The following MAGI2 variants were observed in gnomAD, a reference collection of about 807,000 sequenced individuals.
MAGI2 encodes membrane associated guanylate kinase, WW and PDZ domain containing 2, also known as membrane-associated guanylate kinase, WW and PDZ domain-containing protein 2.
Under a neutral mutation model 133.3 loss-of-function variants are expected in MAGI2, and 35 were observed. The ratio of observed to expected loss-of-function variants is 0.26; its 90% CI spans 0.20 to 0.35. The LOEUF (loss-of-function observed/expected upper bound fraction) is 0.35. MAGI2 is among the 10% of genes least tolerant of loss of function. The pLI is 1.00. For synonymous variants in MAGI2, 729 were observed against 710.6 expected, an observed-to-expected ratio of 1.03 and a Z score of -0.41; for missense variants, 1,636 against 1,863.4, an observed-to-expected ratio of 0.88 and a Z score of 2.25.
chr7:79,408,698 T>C (rs912999156), intron 1 of MAGI2, among the ~76,000 whole-genome samples: 2 of 152,044 alleles, frequency 1.3e-5, no homozygotes, highest in African/African-American at 4.8e-5. Context: ...AATGGAAATC[T>C]GTGGAAGATT....
At position 78,889,197 on chromosome 7, in the gene MAGI2, T is replaced by C. The variant is rs913891805; in HGVS notation, c.418+117893A>G. 1.1e-4 allele frequency among the ~76,000 whole-genome samples: 17 copies of C among 150,828 alleles called. No homozygotes were observed. In the East Asian group the frequency reaches 2.7e-3, roughly 24 times the overall value. ...TTAGAGAAAAAAGAATAAAAAGAAA[T>C]GAACAAAGCCTCCAAGAAATATGGG... On this transcript the variant is annotated intron_variant, in intron 2 of 21. Coordinates refer to ENST00000354212, the MANE Select transcript of MAGI2 (RefSeq NM_012301.4).
At chr7:78,633,567 G>A (rs967454470) in intron 2 of MAGI2, among the ~76,000 whole-genome samples, 4 of 151,206 alleles carry the variant, frequency 2.6e-5, no homozygotes, top group South Asian at 2.1e-4. Context: ...TTAGCCGGGC[G>A]TGGTGGCGGG....
At chr7:78,605,021 A>T (rs1805648862) in intron 3 of MAGI2, among the ~76,000 whole-genome samples, 1 of 152,242 alleles carries the variant, frequency 6.6e-6, no homozygotes, top group Admixed American at 6.5e-5. Flanking sequence ...AAGCCAAGCC[A>T]TGGCTCCATG....
intron 2 of MAGI2, among the ~76,000 whole-genome samples, chr7:78,696,983 T>C (rs559600553): frequency 5.1e-3 from 289 of 57,030 alleles, no homozygotes; most frequent in Non-Finnish European, 7.6e-3. Flanking sequence ...TTTGCTTTCA[T>C]CATTCAAAGC....
chr7:78,228,410 C>A (rs1789624285), intron 10 of MAGI2, among the ~76,000 whole-genome samples: 1 of 152,082 alleles, frequency 6.6e-6, no homozygotes, highest in Non-Finnish European at 1.5e-5. Flanking sequence ...TGTGGCTCAC[C>A]ACATCTAGAA....
At chr7:78,282,501 T>C (rs1339975481) in intron 9 of MAGI2, among the ~76,000 whole-genome samples, 1 of 152,098 alleles carries the variant, frequency 6.6e-6, no homozygotes, top group Non-Finnish European at 1.5e-5. Flanking sequence ...AGAGACCGTG[T>C]AGCCCATAAA....
chr7:79,173,162 T>G (rs1825772160), intron 1 of MAGI2, among the ~76,000 whole-genome samples: 1 of 152,020 alleles, frequency 6.6e-6, no homozygotes, highest in African/African-American at 2.4e-5. Flanking sequence ...TTATTCATAA[T>G]AGCAACAAAA....
At chr7:78,883,538 AC>A (rs1167689190) in intron 2 of MAGI2, among the ~76,000 whole-genome samples, 1 of 152,196 alleles carries the variant, frequency 6.6e-6, no homozygotes, top group African/African-American at 2.4e-5. Flanking sequence ...TTCATATAGA[AC>A]CAAAAAAGAG....
rs1230920849 is a variant in MAGI2 at position 78,854,277 on chromosome 7, GGTCA to G, written c.418+152809_418+152812del. Among the ~76,000 whole-genome samples, 9 of 151,830 alleles carry G rather than the reference GGTCA, an allele frequency of 5.9e-5. No individual in the cohort carries two copies. In the East Asian group the frequency reaches 1.7e-3, roughly 29 times the overall value. ...TTAAAGCATTTCTTAAAAAGTAGTA[GGTCA>G]GTTAATAAAGTCTGTATGTAAATAT... On this transcript the variant is annotated intron_variant, in intron 2 of 21. Coordinates refer to ENST00000354212, the MANE Select transcript of MAGI2 (RefSeq NM_012301.4).
intron 1 of MAGI2, among the ~76,000 whole-genome samples, chr7:79,058,834 C>G (rs1813424319): frequency 6.6e-6 from 1 of 152,024 alleles, no homozygotes; most frequent in African/African-American, 2.4e-5. Flanking sequence ...GTTAAAATAC[C>G]AGTGATGCAG....
intron 2 of MAGI2, among the ~76,000 whole-genome samples, chr7:78,822,168 T>C (rs563362814): frequency 3.3e-5 from 5 of 152,146 alleles, no homozygotes; most frequent in African/African-American, 1.2e-4. Context: ...TTAATGGAAA[T>C]AGACTGAGTT....
At chr7:78,671,646 A>C (rs543986130) in intron 2 of MAGI2, among the ~76,000 whole-genome samples, 1 of 152,314 alleles carries the variant, frequency 6.6e-6, no homozygotes, top group South Asian at 2.1e-4. Flanking sequence ...ATGAAAGTTA[A>C]CCATAATCAC....
At chr7:78,387,134 C>T (rs1283125528) in intron 6 of MAGI2, among the ~76,000 whole-genome samples, 1 of 152,154 alleles carries the variant, frequency 6.6e-6, no homozygotes, top group African/African-American at 2.4e-5. Context: ...TGTGGCTTTT[C>T]TCCTATTTAA....
chr7:78,580,193 A>G (rs183683725), intron 3 of MAGI2, among the ~76,000 whole-genome samples: 63 of 152,336 alleles, frequency 4.1e-4, no homozygotes, highest in Non-Finnish European at 6.9e-4. Context: ...TGAAATTTAA[A>G]AATTAATAAG....
At chr7:78,358,199 ATATATATATATATAT>A (rs1792354604) in intron 7 of MAGI2, 5 of 19,370 alleles carry the variant, frequency 2.6e-4, no homozygotes, top group Admixed American at 2.0e-3. Context: ...AAAAAAAAAT[ATATATATATATATAT>A]ATATATATAT....
intron 2 of MAGI2, among the ~76,000 whole-genome samples, chr7:78,664,760 A>G (rs1813358356): frequency 6.6e-6 from 1 of 151,822 alleles, no homozygotes; most frequent in Non-Finnish European, 1.5e-5. Flanking sequence ...GTGCCTAAGT[A>G]AAAACAAAAA....
At chr7:78,071,352 A>G (rs1814670326) in intron 21 of MAGI2, among the ~76,000 whole-genome samples, 1 of 152,134 alleles carries the variant, frequency 6.6e-6, no homozygotes, top group Non-Finnish European at 1.5e-5. Flanking sequence ...CCTAGCCAAC[A>G]TGGTGAAACC....
chr7:78,630,575 C>T (rs1808871841), intron 2 of MAGI2, among the ~76,000 whole-genome samples: 1 of 151,820 alleles, frequency 6.6e-6, no homozygotes, highest in Non-Finnish European at 1.5e-5. Context: ...CGCCACCACA[C>T]CTGGCTAATT....
intron 1 of MAGI2, among the ~76,000 whole-genome samples, chr7:79,348,805 T>C (rs1841492937): frequency 6.6e-6 from 1 of 151,794 alleles, no homozygotes; most frequent in African/African-American, 2.4e-5. Context: ...GTTGTGAAAA[T>C]AGGGTTTTAT....
Sources: allele counts gnomAD v4.1 joint callset (sites outside exome capture counted in the v4.1 genomes callset), GRCh38; gene constraint gnomAD v4.1.1; transcripts MANE v1.5; gene names NCBI Gene and HGNC (gene_info 2026-07-23, HGNC 2026-07-21).